The following TMEM117 variants were observed in gnomAD, a reference collection of about 807,000 sequenced individuals.
The protein encoded by TMEM117 is transmembrane protein 117.
Under a neutral mutation model 52.4 loss-of-function variants are expected in TMEM117, and 27 were observed. The ratio of observed to expected loss-of-function variants is 0.51; its 90% CI spans 0.38 to 0.71. The LOEUF (loss-of-function observed/expected upper bound fraction) is 0.71. Among genes scored for constraint, TMEM117 ranks in the 30% least tolerant of loss-of-function variants. TMEM117 has a pLI of 0.00. For missense variants in TMEM117, 556 were observed against 630.5 expected (o/e 0.88, Z 1.26); for synonymous variants, 215 against 206.3 (o/e 1.04, Z -0.36).
intron 3 of TMEM117, among the ~76,000 whole-genome samples, chr12:44,064,654 G>A (rs1947193898): frequency 6.6e-6 from 1 of 151,986 alleles, no homozygotes; most frequent in African/African-American, 2.4e-5. Flanking sequence ...CTCCTGAATG[G>A]TATGATTACC....
chr12:43,832,523 T>G (rs1942988694), upstream of TMEM117, among the ~76,000 whole-genome samples: 1 of 152,146 alleles, frequency 6.6e-6, no homozygotes, highest in African/African-American at 2.4e-5. Context: ...ACCACTTCAG[T>G]GGTGAAGAAG....
At chr12:44,280,127 G>A (rs555185845) in intron 5 of TMEM117, among the ~76,000 whole-genome samples, 3 of 151,072 alleles carry the variant, frequency 2.0e-5, no homozygotes, top group African/African-American at 2.4e-5. Flanking sequence ...TTCATTCATC[G>A]CTGTGACTTT....
Position 44,388,277 on chromosome 12 carries a change from A to G in TMEM117, c.1150A>G (p.Arg384Gly). 1 of 1,613,614 alleles carries G rather than the reference A, an allele frequency of 6.2e-7. No homozygotes were observed. Among genetic ancestry groups the G allele is most frequent in the Non-Finnish European group, 8.5e-7 (1 of 1,179,656 alleles). ...TGAGGGAGACATGTTCTTACACAGC[A>G]GGTTCATAGGAGCCAGTCTTGATGT... Reference protein sequence around the residue: ...YVEGDMFLHSRFIGASLDVKC... With the variant: ...YVEGDMFLHSGFIGASLDVKC... The change falls in exon 8 of 8, where the codon AGG (arginine) becomes GGG (glycine). Residue 384 changes from arginine to glycine, a missense_variant. Around this residue, in one of 3 missense-constraint regions of TMEM117, gnomAD observed 206 missense variants for 211.1 expected, o/e 0.98. Transcript: ENST00000266534.
Position 44,052,759 on chromosome 12 carries a change from C to T in TMEM117, c.411-90766C>T, listed in dbSNP as rs182645504. Among the ~76,000 whole-genome samples, 221 of 152,250 alleles carry T rather than the reference C, an allele frequency of 1.5e-3. 1 individual carries two copies. Among genetic ancestry groups the T allele is most frequent in the Non-Finnish European group, 2.5e-3 (173 of 68,014 alleles). On this transcript the variant is annotated intron_variant, in intron 3 of 7. Transcript: ENST00000266534. ...CACACATTGTGTAATTGCTTTCTTC[C>T]CCCAGTGCAGGGACCACTCTTGGCA...
chr12:44,285,143 T>C (rs1950623218), intron 5 of TMEM117, among the ~76,000 whole-genome samples: 1 of 152,190 alleles, frequency 6.6e-6, no homozygotes, highest in Admixed American at 6.5e-5. Flanking sequence ...AGTGACCAAA[T>C]GCTCCAACCC....
intron 4 of TMEM117, among the ~76,000 whole-genome samples, chr12:44,164,314 C>T (rs1948936198): frequency 6.6e-6 from 1 of 152,074 alleles, no homozygotes; most frequent in South Asian, 2.1e-4. Flanking sequence ...ATCACCCAAG[C>T]AGTGTACACT....
chr12:43,903,889 T>G (rs112065847), intron 2 of TMEM117, among the ~76,000 whole-genome samples: 1 of 152,030 alleles, frequency 6.6e-6, no homozygotes, highest in Non-Finnish European at 1.5e-5. Context: ...CCTGCCTCAA[T>G]GACTCCTTTA....
At chr12:44,213,162 G>A (rs766161106) in intron 5 of TMEM117, among the ~76,000 whole-genome samples, 12 of 152,054 alleles carry the variant, frequency 7.9e-5, no homozygotes, top group Non-Finnish European at 1.2e-4. Flanking sequence ...GAGGCAGCAG[G>A]CCAAAGACTT....
At chr12:44,346,033 A>G (rs958887480) in intron 6 of TMEM117, among the ~76,000 whole-genome samples, 1 of 152,096 alleles carries the variant, frequency 6.6e-6, no homozygotes, top group South Asian at 2.1e-4. Flanking sequence ...TATATCTTTT[A>G]AAGTATTGAA....
intron 3 of TMEM117, among the ~76,000 whole-genome samples, chr12:44,030,648 C>T (rs1219906962): frequency 6.6e-6 from 1 of 152,090 alleles, no homozygotes; most frequent in African/African-American, 2.4e-5. Flanking sequence ...TTGTTTTAAC[C>T]TATATATGCC....
intron 2 of TMEM117, among the ~76,000 whole-genome samples, chr12:43,870,974 AG>A (rs1296618268): frequency 1.3e-5 from 2 of 150,506 alleles, no homozygotes; most frequent in African/African-American, 4.9e-5. Context: ...TAGTAGAGAC[AG>A]GGTTTCACCA....
intron 3 of TMEM117, among the ~76,000 whole-genome samples, chr12:44,091,501 T>C (rs1947671039): frequency 6.6e-6 from 1 of 152,228 alleles, no homozygotes; most frequent in African/African-American, 2.4e-5. Flanking sequence ...GTGCACAGTG[T>C]AATTTGTACA....
In TMEM117 at chr12:43,989,331, G is replaced by A. The variant is rs185130991; in HGVS notation, c.410+44989G>A. On this transcript the variant is annotated intron_variant, in intron 3 of 7. Coordinates refer to ENST00000266534, the MANE Select transcript of TMEM117 (RefSeq NM_032256.3). ...TGCTTGATTCAGACCTCCCTGGAAT[G>A]GGAAGTAGGCTGACAGGTAGTTTTG... 2.0e-3 allele frequency among the ~76,000 whole-genome samples: 303 copies of A among 152,152 alleles called. 1 individual carries two copies. The highest frequency in any genetic ancestry group is 7.0e-3 in the African/African-American group (291 of 41,552).
At chr12:43,821,820 T>C in the TMEM117 span, among the ~76,000 whole-genome samples, 1 of 152,236 alleles carries the variant, frequency 6.6e-6, no homozygotes, top group Non-Finnish European at 1.5e-5. Flanking sequence ...AATCATTGTT[T>C]TGTTTTTAGC....
chr12:43,997,841 CT>C (rs1216198492), intron 3 of TMEM117, among the ~76,000 whole-genome samples: 42 of 152,250 alleles, frequency 2.8e-4, no homozygotes, highest in African/African-American at 9.1e-4. Context: ...GAAACTGAGC[CT>C]CAGAGAGCTT....
In TMEM117 at chr12:44,068,404, C is replaced by G. The variant is rs576889672; in HGVS notation, c.411-75121C>G. On this transcript the variant is annotated intron_variant, in intron 3 of 7. Transcript: ENST00000266534. The stretch of plus-strand genomic sequence containing the variant: ...CCTCACTAAGCTTAATCATTTCTAG[C>G]TTTTGATTTAAAGTAAGAGATGTGA... Among the ~76,000 whole-genome samples the G allele has an allele frequency of 6.6e-5, 10 of 152,276 alleles. No individual in the cohort carries two copies. The East Asian group carries it at 1.7e-3, about 26-fold the overall frequency.
At chr12:44,128,854 A>G (rs73093496) in intron 3 of TMEM117, among the ~76,000 whole-genome samples, 6,494 of 152,232 alleles carry the variant, frequency 0.043, 161 homozygotes, top group Middle Eastern at 0.15. Flanking sequence ...CTTTTAATTA[A>G]TGTCTTGAAG....
At chr12:44,030,703 A>G (rs1164324022) in intron 3 of TMEM117, among the ~76,000 whole-genome samples, 1 of 152,200 alleles carries the variant, frequency 6.6e-6, no homozygotes. Flanking sequence ...AGTTATTTAT[A>G]TCCTACTGCT....
intron 5 of TMEM117, among the ~76,000 whole-genome samples, chr12:44,261,296 C>T (rs1322001228): frequency 6.7e-6 from 1 of 150,128 alleles, no homozygotes; most frequent in Non-Finnish European, 1.5e-5. Flanking sequence ...TTTATTATTG[C>T]TTAATCAGTA....
Sources: gnomAD v4.1 joint callset for allele counts (sites outside exome capture counted in the v4.1 genomes callset) on GRCh38, gnomAD v4.1.1 for gene constraint, gnomAD v4.1.1 regional missense constraint, MANE v1.5 for transcripts, NCBI Gene and HGNC (gene_info 2026-07-23, HGNC 2026-07-21) for gene names.